Variants in IQCH observed in about 807,000 individuals in gnomAD.
The protein encoded by IQCH is IQ motif containing H.
IQCH carries 98 observed loss-of-function variants against 117.0 expected under a neutral mutation model. That is an observed-to-expected ratio of 0.84 (90% CI 0.71 to 0.99). The LOEUF (loss-of-function observed/expected upper bound fraction) is 0.99. IQCH is among the 50% of genes least tolerant of loss of function. The pLI is 0.00. For missense variants in IQCH, 1,102 were observed against 1,243.8 expected (o/e 0.89, Z 1.72); for synonymous variants, 412 against 448.2 (o/e 0.92, Z 1.02).
At chr15:67,409,133 A>C (rs544011089) in intron 14 of IQCH, among the ~76,000 whole-genome samples, 4 of 152,238 alleles carry the variant, frequency 2.6e-5, no homozygotes, top group Admixed American at 2.6e-4. Context: ...AGTAGTGTAA[A>C]CAACTCCCTG....
intron 16 of IQCH, among the ~76,000 whole-genome samples, chr15:67,460,717 C>T (rs905697561): frequency 6.6e-6 from 1 of 152,216 alleles, no homozygotes; most frequent in African/African-American, 2.4e-5. Context: ...ACCTTATGTT[C>T]TCATTACTCA....
intron 16 of IQCH, among the ~76,000 whole-genome samples, chr15:67,462,994 C>T (rs2082835698): frequency 6.6e-6 from 1 of 152,222 alleles, no homozygotes; most frequent in African/African-American, 2.4e-5. Context: ...AAGGGCATTA[C>T]TGTGCGAATA....
intron 17 of IQCH, among the ~76,000 whole-genome samples, chr15:67,471,382 AAAT>A (rs1465217187): frequency 6.6e-6 from 1 of 152,212 alleles, no homozygotes; most frequent in African/African-American, 2.4e-5. Flanking sequence ...TTTTAATAGA[AAAT>A]AATGTTTTCT....
Position 67,372,397 on chromosome 15 carries a change from A to C in IQCH, c.1040A>C (p.Glu347Ala), listed in dbSNP as rs567562254. ...LTRYDLLSVL[E>A]DPAHVQMLIN... ...AGATATGACCTTCTCTCAGTGTTAG[A>C]GGACCCAGCTCATGTCCAAATGCTG... The change falls in exon 9 of 21, where the codon GAG becomes GCG. Residue 347 changes from glutamate to alanine, a missense_variant. Physicochemically the swap from Glu to Ala is moderately radical, Grantham distance 107 (BLOSUM62 -1). This residue lies in a region of IQCH where 452 missense variants were observed against 449.6 expected (regional missense o/e 1.01). Transcript: ENST00000335894. 1.9e-6 allele frequency: 3 copies of C among 1,614,156 alleles called. No individual in the cohort carries two copies. The African/African-American group carries it at 4.0e-5, about 22-fold the overall frequency.
In IQCH at chr15:67,356,139, G is replaced by A. The variant is rs1364967061; in HGVS notation, c.638-1206G>A. Among the ~76,000 whole-genome samples the A allele has an allele frequency of 1.3e-5, 2 of 152,194 alleles. No individual in the cohort carries two copies. Among genetic ancestry groups the A allele is most frequent in the Admixed American group, 1.3e-4 (2 of 15,274 alleles). ...ATTCAAAGCAGGCTGAACACAGAATGTGGACTTACCTTCAGAAGTGGGAGA... is the reference window on the plus strand; with the variant it reads ...ATTCAAAGCAGGCTGAACACAGAATATGGACTTACCTTCAGAAGTGGGAGA... On this transcript the variant is annotated intron_variant, in intron 6 of 20. Transcript: ENST00000335894. The surrounding 1 kb of genome is among the most constrained non-coding windows in gnomAD (Gnocchi z 5.3).
At position 67,388,758 on chromosome 15, in the gene IQCH, C is replaced by G. The variant is rs2140839256; in HGVS notation, c.1457-73C>G. On this transcript the variant is annotated intron_variant, in intron 11 of 20. Transcript: ENST00000335894. The surrounding 1 kb of genome is among the most constrained non-coding windows in gnomAD (Gnocchi z 5.5). ...GCTCTTTATTTTAAACTGCACAACA[C>G]CAATCGGATGCCAGAGTTCATAATG... is the stretch of plus-strand genomic sequence containing the variant. The G allele has an allele frequency of 1.5e-6, 2 of 1,292,032 alleles. No homozygotes were observed. The highest frequency in any genetic ancestry group is 2.2e-6 in the Non-Finnish European group (2 of 902,370). The allele number at this position is 1,292,032 out of a possible 1,614,324, so 80.0% of individuals were successfully genotyped here.
intron 2 of IQCH, among the ~76,000 whole-genome samples, chr15:67,262,686 C>A (rs1172596949): frequency 6.6e-6 from 1 of 152,086 alleles, no homozygotes; most frequent in Non-Finnish European, 1.5e-5. Flanking sequence ...GAGTGCCATA[C>A]AGGCTGGGCA....
chr15:67,286,578 T>C (rs909845762), intron 4 of IQCH, among the ~76,000 whole-genome samples: 5 of 138,418 alleles, frequency 3.6e-5, no homozygotes, highest in Non-Finnish European at 7.7e-5. Context: ...CTGTCATATA[T>C]GGCTTTTATT....
chr15:67,436,494 G>A lies in IQCH; in HGVS notation c.2505+14917G>A, dbSNP rs552081128. On this transcript the variant is annotated intron_variant, in intron 16 of 20. Transcript: ENST00000335894. This position sits in a 1 kb window ranked among gnomAD's most constrained non-coding sequence, Gnocchi z 5.1. Reference sequence around the variant, plus strand: ...CAGGACGGTGGCCAGAGAAGCAGGCGGTAAATCTCCACAGGGAGAAGGAAT... The same window carrying A: ...CAGGACGGTGGCCAGAGAAGCAGGCAGTAAATCTCCACAGGGAGAAGGAAT... 2.0e-4 allele frequency among the ~76,000 whole-genome samples: 31 copies of A among 152,276 alleles called. No homozygotes were observed. In the South Asian group the frequency reaches 5.2e-3, roughly 25 times the overall value.
chr15:67,355,102 T>G (rs1369487873), intron 6 of IQCH, among the ~76,000 whole-genome samples: 1 of 152,234 alleles, frequency 6.6e-6, no homozygotes, highest in Non-Finnish European at 1.5e-5. Context: ...GATGTTATGC[T>G]TATTCTAATC....
rs201209992 is a variant in IQCH, at chr15:67,359,812, T to C, written c.715-35T>C. The stretch of plus-strand genomic sequence containing the variant: ...TTTGTAAAATTGCCCATGAGAGTCG[T>C]TTTGATTTAAACTGTGTCTCATTCT... On this transcript the variant is annotated intron_variant, in intron 7 of 20. Coordinates refer to ENST00000335894, the MANE Select transcript of IQCH (RefSeq NM_001031715.3). This position sits in a 1 kb window ranked among gnomAD's most constrained non-coding sequence, Gnocchi z 4.5. The C allele has an allele frequency of 9.5e-6, 15 of 1,578,158 alleles. 2 individuals carry two copies. The African/African-American group carries it at 1.9e-4, about 20-fold the overall frequency.
At chr15:67,469,904 T>A (rs960316866) in intron 17 of IQCH, among the ~76,000 whole-genome samples, 2 of 152,212 alleles carry the variant, frequency 1.3e-5, no homozygotes, top group African/African-American at 2.4e-5. Context: ...CTGTGACACA[T>A]TCCAACCTGC....
At chr15:67,477,123 T>C (rs2083224309) in intron 18 of IQCH, among the ~76,000 whole-genome samples, 1 of 141,736 alleles carries the variant, frequency 7.1e-6, no homozygotes, top group Non-Finnish European at 1.5e-5. Flanking sequence ...CAATCTTGGC[T>C]CATTGCAACC....
chr15:67,423,385 A>G (rs2081799089), intron 16 of IQCH, among the ~76,000 whole-genome samples: 1 of 151,898 alleles, frequency 6.6e-6, no homozygotes. Flanking sequence ...GGGCAACATA[A>G]TGGGACCCCA....
intron 4 of IQCH, among the ~76,000 whole-genome samples, chr15:67,279,829 C>T (rs1008687222): frequency 5.9e-5 from 9 of 152,134 alleles, no homozygotes; most frequent in South Asian, 2.1e-4. Flanking sequence ...GGTAAAACCC[C>T]GTCTCTACTA....
chr15:67,412,157 A>T (rs947928522), intron 14 of IQCH, among the ~76,000 whole-genome samples: 3 of 152,210 alleles, frequency 2.0e-5, no homozygotes, highest in Non-Finnish European at 4.4e-5. Context: ...ATCATGATGG[A>T]ATGAAAATCT....
At chr15:67,410,082 T>G (rs558438600) in intron 14 of IQCH, among the ~76,000 whole-genome samples, 1 of 152,334 alleles carries the variant, frequency 6.6e-6, no homozygotes, top group East Asian at 1.9e-4. Context: ...CACTGCTGAT[T>G]GCAGAATGAG....
chr15:67,368,474 G>A (rs552550991), intron 8 of IQCH, among the ~76,000 whole-genome samples: 1 of 152,290 alleles, frequency 6.6e-6, no homozygotes, highest in Admixed American at 6.5e-5. Context: ...AAAGAATAAG[G>A]ACTCCATCTC....
At position 67,365,056 on chromosome 15, in the gene IQCH, C is replaced by T. The variant is rs755858351; in HGVS notation, c.753+5171C>T. ...GCCGGGGCTCAAGCAGTCCTCCCAC[C>T]TCACAGTCCTGAGTAGCTGGGACTA... On this transcript the variant is annotated intron_variant, in intron 8 of 20. Transcript: ENST00000335894. This position sits in a 1 kb window ranked among gnomAD's most constrained non-coding sequence, Gnocchi z 4.4. Among the ~76,000 whole-genome samples the T allele has an allele frequency of 6.6e-6, 1 of 152,212 alleles. No homozygotes were observed. Among genetic ancestry groups the T allele is most frequent in the Non-Finnish European group, 1.5e-5 (1 of 68,038 alleles).
Sources: gnomAD v4.1 joint callset for allele counts (sites outside exome capture counted in the v4.1 genomes callset) on GRCh38, gnomAD v4.1.1 for gene constraint, gnomAD v4.1.1 regional missense constraint, Gnocchi (gnomAD v3.1) non-coding constraint, MANE v1.5 for transcripts, NCBI Gene and HGNC (gene_info 2026-07-23, HGNC 2026-07-21) for gene names.